The following CDC14B variants were observed in gnomAD, a reference collection of about 807,000 sequenced individuals.
CDC14B encodes the protein cell division cycle 14B, also known as dual specificity protein phosphatase CDC14B.
In CDC14B, 22 loss-of-function variants were observed where a neutral mutation model predicts 64.2. The ratio of observed to expected loss-of-function variants is 0.34; its 90% CI spans 0.24 to 0.49. CDC14B has a LOEUF of 0.49. Among genes scored for constraint, CDC14B ranks in the 20% least tolerant of loss-of-function variants. The pLI, the probability that CDC14B is intolerant of heterozygous loss-of-function variation, is 0.99. For missense variants in CDC14B, 498 were observed against 629.9 expected (o/e 0.79, Z 2.24); for synonymous variants, 191 against 215.8 (o/e 0.89, Z 1.01).
chr9:96,517,177 T>TA (rs888958963), intron 12 of CDC14B, among the ~76,000 whole-genome samples: 22 of 148,546 alleles, frequency 1.5e-4, no homozygotes, highest in Middle Eastern at 3.6e-3. Context: ...CCGTCTCTAC[T>TA]AAAAAAATAC....
intron 6 of CDC14B, among the ~76,000 whole-genome samples, chr9:96,539,631 C>T (rs938723437): frequency 1.3e-5 from 2 of 152,100 alleles, no homozygotes; most frequent in South Asian, 4.1e-4. Flanking sequence ...CAAATTCTTC[C>T]GAACAGTCTT....
intron 9 of CDC14B, among the ~76,000 whole-genome samples, chr9:96,524,825 C>T (rs1257951265): frequency 6.6e-6 from 1 of 152,140 alleles, no homozygotes; most frequent in African/African-American, 2.4e-5. Context: ...TTGCATGAGC[C>T]AATTCCTTTT....
downstream of CDC14B, among the ~76,000 whole-genome samples, chr9:96,495,632 C>T (rs1372599287): frequency 6.6e-6 from 1 of 152,168 alleles, no homozygotes; most frequent in African/African-American, 2.4e-5. Flanking sequence ...GAGCTGGAGC[C>T]AGCGGTGATG....
chr9:96,541,119 T>C (rs1839995954), intron 6 of CDC14B, among the ~76,000 whole-genome samples: 1 of 152,228 alleles, frequency 6.6e-6, no homozygotes, highest in African/African-American at 2.4e-5. Context: ...GCTTATTTGA[T>C]CCATGGGCTA....
chr9:96,541,965 T>C, intron 5 of CDC14B, 73 bp from the exon 6 acceptor site: 1 of 1,019,568 alleles, frequency 9.8e-7, no homozygotes, highest in Admixed American at 2.1e-5. Flanking sequence ...CAAAGGTGAC[T>C]AGAATTTAAA....
chr9:96,509,897 G>T, intron 12 of CDC14B, 108 bp from the exon 13 acceptor site: 1 of 679,074 alleles, frequency 1.5e-6, no homozygotes, highest in Non-Finnish European at 2.5e-6. Context: ...TGAGAATTGA[G>T]AGGATTTTCC....
At chr9:96,578,632 C>G (rs559940148) in intron 1 of CDC14B, among the ~76,000 whole-genome samples, 2 of 152,210 alleles carry the variant, frequency 1.3e-5, no homozygotes, top group East Asian at 3.9e-4. Context: ...GACCCATTCT[C>G]CTCAAAACTG....
chr9:96,591,443 T>C (rs78451014), intron 1 of CDC14B, among the ~76,000 whole-genome samples: 66 of 152,306 alleles, frequency 4.3e-4, no homozygotes, highest in African/African-American at 1.5e-3. Flanking sequence ...CATTGGTCTG[T>C]CCTCATGCCA....
intron 7 of CDC14B, among the ~76,000 whole-genome samples, chr9:96,538,465 A>G (rs1201095424): frequency 6.6e-6 from 1 of 152,238 alleles, no homozygotes; most frequent in Admixed American, 6.5e-5. Flanking sequence ...CACATCTGTG[A>G]TCCTAGCACT....
chr9:96,566,765 C>T (rs773871808), intron 1 of CDC14B: 7 of 1,605,906 alleles, frequency 4.4e-6, no homozygotes, highest in Non-Finnish European at 5.9e-6. Flanking sequence ...CCTCCCGGCT[C>T]ACCTTTGATC....
chr9:96,546,822 G>A (rs1014290597), intron 5 of CDC14B, among the ~76,000 whole-genome samples: 7 of 151,866 alleles, frequency 4.6e-5, no homozygotes, highest in Non-Finnish European at 8.8e-5. Flanking sequence ...CAGCACTTTG[G>A]GAACCTGAGG....
At chr9:96,605,632 A>G (rs1029423111) in intron 1 of CDC14B, among the ~76,000 whole-genome samples, 1 of 152,200 alleles carries the variant, frequency 6.6e-6, no homozygotes, top group Non-Finnish European at 1.5e-5. Flanking sequence ...TCCTTGACTC[A>G]GCATCTGTTC....
At chr9:96,611,835 T>C (rs1052605475) in intron 1 of CDC14B, among the ~76,000 whole-genome samples, 9 of 152,312 alleles carry the variant, frequency 5.9e-5, no homozygotes, top group African/African-American at 1.7e-4. Context: ...TTTTAAAACA[T>C]ATACAAGAGC....
At chr9:96,619,139 C>A (rs1366197232) in intron 1 of CDC14B, 80 bp downstream of exon 1, 2 of 1,148,452 alleles carry the variant, frequency 1.7e-6, no homozygotes, top group Admixed American at 4.4e-5. Flanking sequence ...AGGCCCCGGG[C>A]AGCCCGGTGG....
intron 1 of CDC14B, among the ~76,000 whole-genome samples, chr9:96,606,897 A>G (rs1846981650): frequency 6.6e-6 from 1 of 152,054 alleles, no homozygotes; most frequent in South Asian, 2.1e-4. Context: ...TTAGCTGGGC[A>G]TGGTGGTGTG....
chr9:96,588,143 G>T (rs1052027072), intron 1 of CDC14B, among the ~76,000 whole-genome samples: 1 of 152,164 alleles, frequency 6.6e-6, no homozygotes, highest in Admixed American at 6.5e-5. Context: ...GTCCAGGGGA[G>T]GGGGCAGGAA....
chr9:96,567,444 A>G (rs1844162402), intron 1 of CDC14B, among the ~76,000 whole-genome samples: 1 of 152,366 alleles, frequency 6.6e-6, no homozygotes, highest in African/African-American at 2.4e-5. Flanking sequence ...GTGCCCCCGC[A>G]GGGCCGGGTC....
downstream of CDC14B, among the ~76,000 whole-genome samples, chr9:96,498,697 C>G (rs1470040879): frequency 6.6e-6 from 1 of 152,232 alleles, no homozygotes; most frequent in Admixed American, 6.5e-5. Context: ...AAATATATGA[C>G]AAAGTAGCGA....
chr9:96,542,907 G>T (rs1228916547), intron 5 of CDC14B, among the ~76,000 whole-genome samples: 1 of 151,998 alleles, frequency 6.6e-6, no homozygotes, highest in Non-Finnish European at 1.5e-5. Flanking sequence ...TACTCAGGAG[G>T]CTAAGGCAGA....
Sources: allele counts gnomAD v4.1 joint callset (sites outside exome capture counted in the v4.1 genomes callset), GRCh38; gene constraint gnomAD v4.1.1; transcripts MANE v1.5; gene names NCBI Gene and HGNC (gene_info 2026-07-23, HGNC 2026-07-21).